CNTNAP2: variants seen among roughly 807,000 people sequenced by gnomAD.
CNTNAP2 encodes contactin associated protein 2, also known as contactin-associated protein-like 2.
Under a neutral mutation model 155.2 loss-of-function variants are expected in CNTNAP2, and 98 were observed. The ratio of observed to expected loss-of-function variants is 0.63; its 90% confidence interval spans 0.54 to 0.75. The LOEUF (loss-of-function observed/expected upper bound fraction) is 0.75, where lower values mean the gene tolerates loss of function less well. Among genes scored for constraint, CNTNAP2 ranks in the 30% least tolerant of loss-of-function variants. CNTNAP2 has a pLI of 0.00. For missense variants in CNTNAP2, 1,727 were observed against 1,688.1 expected (o/e 1.02, Z -0.40); for synonymous variants, 651 against 631.2 (o/e 1.03, Z -0.47).
chr7:146,476,201 A>T (rs191170540), intron 1 of CNTNAP2, among the ~76,000 whole-genome samples: 68 of 152,172 alleles, frequency 4.5e-4, no homozygotes, highest in Non-Finnish European at 8.4e-4. Context: ...ACAAATGTAA[A>T]TTTTTTCTTC....
intron 14 of CNTNAP2, among the ~76,000 whole-genome samples, chr7:147,919,024 C>G (rs1800211899): frequency 6.6e-6 from 1 of 152,088 alleles, no homozygotes; most frequent in South Asian, 2.1e-4. Flanking sequence ...TGAGAAAAGA[C>G]CCTTTCCTGG....
chr7:146,246,763 G>A (rs150416617), intron 1 of CNTNAP2, among the ~76,000 whole-genome samples: 4 of 152,142 alleles, frequency 2.6e-5, no homozygotes, highest in Admixed American at 6.5e-5. Context: ...GTGGTGTCCT[G>A]CACAGATGGG....
At chr7:147,158,098 G>A (rs914756019) in intron 8 of CNTNAP2, among the ~76,000 whole-genome samples, 3 of 152,036 alleles carry the variant, frequency 2.0e-5, no homozygotes, top group Non-Finnish European at 4.4e-5. Context: ...GTTTCTTTGA[G>A]TTCACTCTGA....
chr7:147,012,069 C>T (rs1455531497), intron 3 of CNTNAP2, among the ~76,000 whole-genome samples: 3 of 152,190 alleles, frequency 2.0e-5, no homozygotes, highest in Non-Finnish European at 4.4e-5. Flanking sequence ...TTATGTAAAA[C>T]CATAATGAAA....
chr7:148,244,293 A>AT (rs1796214716), intron 20 of CNTNAP2, among the ~76,000 whole-genome samples: 1 of 152,048 alleles, frequency 6.6e-6, no homozygotes, highest in Non-Finnish European at 1.5e-5. Context: ...TATGTATGTG[A>AT]TTTTGTCTCA....
chr7:146,219,894 C>T (rs1799178835), intron 1 of CNTNAP2, among the ~76,000 whole-genome samples: 1 of 151,980 alleles, frequency 6.6e-6, no homozygotes, highest in Non-Finnish European at 1.5e-5. Flanking sequence ...GATTATGGCT[C>T]ATAGAATTTT....
At chr7:148,060,707 T>G (rs938016235) in intron 15 of CNTNAP2, among the ~76,000 whole-genome samples, 4 of 152,256 alleles carry the variant, frequency 2.6e-5, no homozygotes, top group Non-Finnish European at 5.9e-5. Flanking sequence ...GTGTTCAATA[T>G]TTATTGCTTG....
At chr7:146,576,438 A>T (rs960021612) in intron 1 of CNTNAP2, among the ~76,000 whole-genome samples, 15 of 152,126 alleles carry the variant, frequency 9.9e-5, no homozygotes. Flanking sequence ...GAGCCCATGG[A>T]GAAGAACCCA....
At chr7:146,553,132 T>G (rs1382348341) in intron 1 of CNTNAP2, among the ~76,000 whole-genome samples, 1 of 152,176 alleles carries the variant, frequency 6.6e-6, no homozygotes, top group African/African-American at 2.4e-5. Context: ...TCCCCTGATA[T>G]GTCAGTATCT....
chr7:146,976,947 G>T (rs896885463), intron 3 of CNTNAP2, among the ~76,000 whole-genome samples: 1 of 152,052 alleles, frequency 6.6e-6, no homozygotes, highest in African/African-American at 2.4e-5. Context: ...TTTCTTTGTA[G>T]CCCCCTCCAG....
intron 9 of CNTNAP2, among the ~76,000 whole-genome samples, chr7:147,366,781 G>GCACACACACACA (rs71182194): frequency 7.4e-4 from 78 of 105,962 alleles, no homozygotes; most frequent in African/African-American, 2.0e-3. Flanking sequence ...TTTGTTGCAC[G>GCACACACACACA]CACACACACA....
intron 4 of CNTNAP2, among the ~76,000 whole-genome samples, chr7:147,089,072 G>C (rs1178966262): frequency 6.6e-6 from 1 of 152,192 alleles, no homozygotes; most frequent in Non-Finnish European, 1.5e-5. Flanking sequence ...CAATTTGTTA[G>C]GATCCTGGCT....
Position 147,206,495 on chromosome 7 carries a change from G to A in CNTNAP2, c.1348+73986G>A, listed in dbSNP as rs553249268. 1.1e-4 allele frequency among the ~76,000 whole-genome samples: 16 copies of A among 152,174 alleles called. No homozygotes were observed. The East Asian group carries it at 1.7e-3, about 17-fold the overall frequency. On this transcript the variant is annotated intron_variant, in intron 8 of 23. Coordinates refer to ENST00000361727, the MANE Select transcript of CNTNAP2 (RefSeq NM_014141.6). ...CGAGAATCACTTGAACCTGGGCAGCGGAGGTTGCAGTGAGTCGAGATCGTG... is the reference window on the plus strand; with the variant it reads ...CGAGAATCACTTGAACCTGGGCAGCAGAGGTTGCAGTGAGTCGAGATCGTG...
In CNTNAP2 at chr7:147,248,944, T is replaced by C. The variant is rs1161856870; in HGVS notation, c.1349-51197T>C. 3.9e-5 allele frequency among the ~76,000 whole-genome samples: 6 copies of C among 152,160 alleles called. No individual in the cohort carries two copies. In the East Asian group the frequency reaches 1.2e-3, roughly 29 times the overall value. On this transcript the variant is annotated intron_variant, in intron 8 of 23. Coordinates refer to ENST00000361727, the MANE Select transcript of CNTNAP2 (RefSeq NM_014141.6). ...GCACAGGAATGTTACTTTGAATCAA[T>C]GCTGGCCTTAATGGTCCACTGATCT...
chr7:148,283,310 AGG>A (rs1448438347), intron 21 of CNTNAP2, among the ~76,000 whole-genome samples: 1 of 67,656 alleles, frequency 1.5e-5, no homozygotes, highest in South Asian at 4.5e-4. Context: ...AAAGAAAGGA[AGG>A]AAGGAAGGAA....
intron 3 of CNTNAP2, among the ~76,000 whole-genome samples, chr7:146,887,035 C>T (rs910143789): frequency 1.3e-5 from 2 of 151,846 alleles, no homozygotes; most frequent in Admixed American, 1.3e-4. Flanking sequence ...TCCCCTCATG[C>T]TTCTCTCCAT....
At chr7:147,198,191 C>G (rs1802843641) in intron 8 of CNTNAP2, among the ~76,000 whole-genome samples, 1 of 149,288 alleles carries the variant, frequency 6.7e-6, no homozygotes, top group African/African-American at 2.5e-5. Flanking sequence ...TTAAGTAAAA[C>G]TTGGCTAACC....
chr7:147,409,319 A>C (rs1246071106), intron 10 of CNTNAP2, among the ~76,000 whole-genome samples: 1 of 152,248 alleles, frequency 6.6e-6, no homozygotes, highest in Non-Finnish European at 1.5e-5. Context: ...CCTATTCAAT[A>C]AATGGTGCTG....
chr7:147,011,292 T>C (rs2129243744), intron 3 of CNTNAP2, among the ~76,000 whole-genome samples: 1 of 151,786 alleles, frequency 6.6e-6, no homozygotes, highest in Non-Finnish European at 1.5e-5. Flanking sequence ...CACATGCCTA[T>C]AATCCCAGGT....
Sources: allele counts gnomAD v4.1 joint callset (sites outside exome capture counted in the v4.1 genomes callset), GRCh38; gene constraint gnomAD v4.1.1; transcripts MANE v1.5; gene names NCBI Gene and HGNC (gene_info 2026-07-23, HGNC 2026-07-21).